Variants in CNKSR3 observed in about 807,000 individuals in gnomAD.
CNKSR3 encodes the protein connector enhancer of kinase suppressor of ras 3.
A neutral mutation model predicts 67.7 loss-of-function variants in CNKSR3; 36 were observed. The observed-to-expected ratio is 0.53, with a 90% confidence interval of 0.41 to 0.70. The LOEUF is 0.70. Among genes scored for constraint, CNKSR3 ranks in the 30% least tolerant of loss-of-function variants. The probability of loss-of-function intolerance (pLI) is 0.00; values close to 1 mark genes in which losing one functional copy is unlikely to be tolerated. For synonymous variants in CNKSR3, 281 were observed against 271.4 expected (o/e 1.04, Z -0.35); for missense variants, 630 against 695.2 (o/e 0.91, Z 1.05).
chr6:154,503,637 A>AT (rs1787040463), intron 1 of CNKSR3, among the ~76,000 whole-genome samples: 6 of 109,174 alleles, frequency 5.5e-5, no homozygotes, highest in Admixed American at 3.6e-4. Flanking sequence ...CCTGCCTCTT[A>AT]TTTAAAAAAA....
chr6:154,477,405 C>T (rs955126573), intron 1 of CNKSR3, among the ~76,000 whole-genome samples: 1 of 151,992 alleles, frequency 6.6e-6, no homozygotes, highest in African/African-American at 2.4e-5. Context: ...CTGCCTCCCA[C>T]TTTCAAGCAA....
chr6:154,406,349 C>G lies in CNKSR3; in HGVS notation c.*5G>C. 1.2e-6 allele frequency: 2 copies of G among 1,607,478 alleles called. No individual in the cohort carries two copies. The highest frequency in any genetic ancestry group is 1.1e-5 in the South Asian group (1 of 90,240). On this transcript the variant is annotated 3_prime_UTR_variant, in exon 13 of 13. Transcript: ENST00000607772. ...GCCAGGCAGGTGGCCTGAGCAGGGT[C>G]CCTCTCAGTGAGTCAACAGTTTGAG... is the stretch of plus-strand genomic sequence containing the variant.
At position 154,510,100 on chromosome 6, in the gene CNKSR3, G is replaced by T; in HGVS notation, c.15C>A (p.Thr5=). ...CCACCACTTGTTTGGGGCTCCACTT[G>T]GTCACGGGTTCCATGGTAAACCGCT... MEPV[T]KWSPKQVVDW... Residue 5 remains threonine (T), a synonymous_variant, in exon 1 of 13, where the codon ACC becomes ACA. Coordinates refer to ENST00000607772, the MANE Select transcript of CNKSR3 (RefSeq NM_173515.4). 1 of 1,614,078 alleles carries T rather than the reference G, an allele frequency of 6.2e-7. No individual in the cohort carries two copies.
intron 3 of CNKSR3, 73 bp downstream of exon 3, chr6:154,442,015 C>A: frequency 7.3e-7 from 1 of 1,374,960 alleles, no homozygotes; most frequent in Non-Finnish European, 9.9e-7. Context: ...TTTCCTAAGA[C>A]AAAGTACAGC....
At chr6:154,472,974 G>T (rs1231653452) in intron 1 of CNKSR3, among the ~76,000 whole-genome samples, 1 of 152,130 alleles carries the variant, frequency 6.6e-6, no homozygotes, top group African/African-American at 2.4e-5. Flanking sequence ...CTTTTATGGA[G>T]GGCCTGCTGG....
At chr6:154,478,940 T>C (rs1204005238) in intron 1 of CNKSR3, among the ~76,000 whole-genome samples, 1 of 152,244 alleles carries the variant, frequency 6.6e-6, no homozygotes, top group Non-Finnish European at 1.5e-5. Flanking sequence ...TGAAAGCAGC[T>C]TGGACACTCC....
At chr6:154,432,704 A>T (rs1304802518) in intron 5 of CNKSR3, among the ~76,000 whole-genome samples, 1 of 152,200 alleles carries the variant, frequency 6.6e-6, no homozygotes, top group African/African-American at 2.4e-5. Context: ...TTGAATGCCA[A>T]ACACTGACAA....
At position 154,389,375 on chromosome 6, in the gene CNKSR3, C is replaced by A. The variant is rs137893090; in HGVS notation, c.*16979G>T. The A allele has an allele frequency of 3.9e-5, 6 of 152,514 alleles. No individual in the cohort carries two copies. The highest frequency in any genetic ancestry group is 1.4e-4 in the African/African-American group (6 of 41,540). The allele number at this position is 152,514 out of a possible 1,614,324, so 9.4% of individuals were successfully genotyped here. A position where few individuals can be genotyped will look rare whatever the true frequency, so the allele number is the denominator to read the frequency against. The stretch of plus-strand genomic sequence containing the variant: ...CTTTCCCCATTATGTATTCTTGGCA[C>A]CATTGTTGAAGATCAGTTGACAATA... On this transcript the variant is annotated 3_prime_UTR_variant, in exon 13 of 13. Transcript: ENST00000607772.
rs1006731106 is a variant in CNKSR3, at chr6:154,387,614, C to A, written c.*18740G>T. ...TTATCTAGTTCATGGTCCATGATAA[C>A]CACAGATTGCTGCATTTGTAGCCAC... On this transcript the variant is annotated 3_prime_UTR_variant, in exon 13 of 13. Coordinates refer to ENST00000607772, the MANE Select transcript of CNKSR3 (RefSeq NM_173515.4). The A allele has an allele frequency of 6.6e-6, 1 of 152,134 alleles. No individual in the cohort carries two copies. Among genetic ancestry groups the A allele is most frequent in the Non-Finnish European group, 1.5e-5 (1 of 68,028 alleles). The allele number at this position is 152,134 out of a possible 1,614,324, so 9.4% of individuals were successfully genotyped here.
chr6:154,407,232 G>A (rs781603437), intron 12 of CNKSR3, among the ~76,000 whole-genome samples: 22 of 152,268 alleles, frequency 1.4e-4, no homozygotes, highest in South Asian at 4.2e-4. Flanking sequence ...TAGTGTCCCC[G>A]CGATGGCTGA....
intron 1 of CNKSR3, among the ~76,000 whole-genome samples, chr6:154,480,993 ATATT>A (rs1423434267): frequency 6.6e-6 from 1 of 151,152 alleles, no homozygotes; most frequent in Non-Finnish European, 1.5e-5. Context: ...TGCTTATTTG[ATATT>A]TATTTGATAG....
chr6:154,429,945 G>T (rs1237805720), intron 6 of CNKSR3, among the ~76,000 whole-genome samples: 1 of 152,136 alleles, frequency 6.6e-6, no homozygotes, highest in African/African-American at 2.4e-5. Flanking sequence ...TAATTAATGG[G>T]CTTCACAGCT....
rs1318167184 is a variant in CNKSR3, at chr6:154,401,007, C to G, written c.*5347G>C. ...CTCAACTGGGGTTGAGGGACCCTAA[C>G]TAGGGGTTAATACATCATGCAAAAT... On this transcript the variant is annotated 3_prime_UTR_variant, in exon 13 of 13. Transcript: ENST00000607772. 1 of 152,162 alleles carries G rather than the reference C, an allele frequency of 6.6e-6. No homozygotes were observed. The highest frequency in any genetic ancestry group is 1.9e-4 in the East Asian group (1 of 5,194). The allele number at this position is 152,162 out of a possible 1,614,324, so 9.4% of individuals were successfully genotyped here.
intron 1 of CNKSR3, among the ~76,000 whole-genome samples, chr6:154,492,055 G>A (rs1786793001): frequency 6.6e-6 from 1 of 152,050 alleles, no homozygotes; most frequent in African/African-American, 2.4e-5. Flanking sequence ...AAACCACCCT[G>A]TCAAGTTCAC....
intron 1 of CNKSR3, among the ~76,000 whole-genome samples, chr6:154,454,120 G>C (rs372269564): frequency 0.67 from 91,746 of 136,742 alleles, 30,559 homozygotes; most frequent in East Asian, 0.87. Flanking sequence ...GAGAGAGAGA[G>C]AGAGAGAGAG....
rs374301813 is a variant in CNKSR3 at position 154,493,736 on chromosome 6, G to A, written c.52+16327C>T. Among the ~76,000 whole-genome samples, 17 of 151,942 alleles carry A rather than the reference G, an allele frequency of 1.1e-4. No homozygotes were observed. The South Asian group carries it at 2.7e-3, about 24-fold the overall frequency. On this transcript the variant is annotated intron_variant, in intron 1 of 12. Transcript: ENST00000607772. The stretch of plus-strand genomic sequence containing the variant: ...AATCATGTCGGAAGGCGAAGGGGAG[G>A]CAGGCACACATGGCAGCAGCGAGGA...
chr6:154,464,934 G>A (rs1413374123), intron 1 of CNKSR3, among the ~76,000 whole-genome samples: 1 of 151,310 alleles, frequency 6.6e-6, no homozygotes, highest in East Asian at 2.0e-4. Flanking sequence ...GAGGTCAGGA[G>A]TTCGAGACCA....
chr6:154,431,299 A>G (rs1344246136), intron 5 of CNKSR3, among the ~76,000 whole-genome samples: 1 of 151,650 alleles, frequency 6.6e-6, no homozygotes, highest in African/African-American at 2.4e-5. Flanking sequence ...CAAAAATTAG[A>G]CGGGCATGGT....
intron 1 of CNKSR3, among the ~76,000 whole-genome samples, chr6:154,468,057 G>C (rs1180247252): frequency 1.5e-5 from 2 of 131,832 alleles, no homozygotes; most frequent in East Asian, 2.2e-4. Context: ...ACCACGCCTA[G>C]GCTTTTTTTT....
Sources: allele counts gnomAD v4.1 joint callset (sites outside exome capture counted in the v4.1 genomes callset), GRCh38; gene constraint gnomAD v4.1.1; transcripts MANE v1.5; gene names NCBI Gene and HGNC (gene_info 2026-07-23, HGNC 2026-07-21).